The following UMAD1 variants were observed in gnomAD, a reference collection of about 807,000 sequenced individuals.
The protein encoded by UMAD1 is UBAP1-MVB12-associated (UMA)-domain containing protein 1.
A neutral mutation model predicts 6.1 loss-of-function variants in UMAD1; 8 were observed. The observed-to-expected ratio is 1.30, with a 90% confidence interval of 0.76 to 2.35. The LOEUF (loss-of-function observed/expected upper bound fraction) is 2.35. Ranked by LOEUF, UMAD1 falls within the 30% of genes most tolerant of loss-of-function variation. UMAD1 has a pLI of 0.00. For missense variants in UMAD1, 130 were observed against 78.4 expected (o/e 1.66, Z -2.49); for synonymous variants, 56 against 31.4 (o/e 1.78, Z -2.61).
intron 3 of UMAD1, among the ~76,000 whole-genome samples, chr7:7,839,693 T>G (rs1425570121): frequency 6.6e-6 from 1 of 152,206 alleles, no homozygotes; most frequent in African/African-American, 2.4e-5. Context: ...AACAAAGTTC[T>G]TAAGAAGCAA....
intron 2 of UMAD1, chr7:7,687,228 C>G (rs554784700): frequency 6.6e-6 from 1 of 152,150 alleles, no homozygotes; most frequent in Admixed American, 6.5e-5. Context: ...GGCTACTTAC[C>G]ATTTCAGCCT....
At chr7:7,783,243 A>T (rs1036549197) in intron 2 of UMAD1, among the ~76,000 whole-genome samples, 1 of 152,226 alleles carries the variant, frequency 6.6e-6, no homozygotes, top group African/African-American at 2.4e-5. Flanking sequence ...GATAGTTGTA[A>T]CTTCCTCAGA....
At chr7:7,821,912 C>T (rs1480243902) in intron 3 of UMAD1, among the ~76,000 whole-genome samples, 2 of 152,098 alleles carry the variant, frequency 1.3e-5, no homozygotes, top group East Asian at 3.8e-4. Context: ...TCATAAATTA[C>T]CATGGCTGAC....
intron 2 of UMAD1, chr7:7,676,090 C>T (rs1779730828): frequency 2.5e-6 from 1 of 398,560 alleles, no homozygotes; most frequent in African/African-American, 2.1e-5. Context: ...TCCCCTCTTC[C>T]TTCTTCCGCA....
chr7:7,700,052 T>C (rs1382253188), intron 2 of UMAD1, among the ~76,000 whole-genome samples: 3 of 152,238 alleles, frequency 2.0e-5, no homozygotes, highest in African/African-American at 7.2e-5. Flanking sequence ...ACTACTTCTG[T>C]GGAGGGTGTC....
chr7:7,783,106 G>C (rs1328633160), intron 2 of UMAD1, among the ~76,000 whole-genome samples: 3 of 152,152 alleles, frequency 2.0e-5, no homozygotes, highest in Admixed American at 6.5e-5. Flanking sequence ...GTCTTCTTTT[G>C]AGATGGTGGT....
chr7:7,753,048 T>A (rs960445178), intron 2 of UMAD1, among the ~76,000 whole-genome samples: 4 of 152,180 alleles, frequency 2.6e-5, no homozygotes, highest in Non-Finnish European at 5.9e-5. Flanking sequence ...AGACCCCTCC[T>A]CCACTCTCAT....
intron 2 of UMAD1, among the ~76,000 whole-genome samples, chr7:7,796,814 A>C (rs1782693972): frequency 6.6e-6 from 1 of 152,030 alleles, no homozygotes; most frequent in Non-Finnish European, 1.5e-5. Context: ...ACTTCACCCC[A>C]CAATTTTCAA....
chr7:7,858,683 C>T (rs17561662), intron 3 of UMAD1, among the ~76,000 whole-genome samples: 33,538 of 152,120 alleles, frequency 0.22, 4,516 homozygotes, highest in Middle Eastern at 0.31. Flanking sequence ...TCAGAAAAAC[C>T]AGCCTGACCC....
At chr7:7,707,088 T>C (rs1780621289) in intron 2 of UMAD1, among the ~76,000 whole-genome samples, 1 of 152,170 alleles carries the variant, frequency 6.6e-6, no homozygotes, top group Admixed American at 6.5e-5. Flanking sequence ...TGATTATAAA[T>C]ATATAACTAT....
intron 2 of UMAD1, among the ~76,000 whole-genome samples, chr7:7,758,823 C>T (rs925183030): frequency 9.2e-5 from 14 of 152,088 alleles, no homozygotes; most frequent in Admixed American, 4.6e-4. Context: ...ATCCTTTCTC[C>T]GAGTGGTGGG....
intron 2 of UMAD1, among the ~76,000 whole-genome samples, chr7:7,739,880 A>G (rs1486343279): frequency 3.9e-5 from 6 of 152,256 alleles, no homozygotes; most frequent in Admixed American, 2.6e-4. Context: ...TTATTTGTCT[A>G]TACAAAGGAG....
At chr7:7,747,201 G>A (rs1174931243) in intron 2 of UMAD1, among the ~76,000 whole-genome samples, 1 of 152,174 alleles carries the variant, frequency 6.6e-6, no homozygotes, top group Non-Finnish European at 1.5e-5. Context: ...TTGTTTTGGA[G>A]TTGCTACAGG....
chr7:7,653,022 A>T (rs1352096434), intron 1 of UMAD1, among the ~76,000 whole-genome samples: 1 of 152,250 alleles, frequency 6.6e-6, no homozygotes, highest in East Asian at 1.9e-4. Context: ...AGTTGTAAAG[A>T]GGTGTGACCT....
chr7:7,866,934 T>G (rs1170966326), intron 3 of UMAD1, among the ~76,000 whole-genome samples: 1 of 152,096 alleles, frequency 6.6e-6, no homozygotes, highest in Non-Finnish European at 1.5e-5. Context: ...GAGAATGACA[T>G]GAACCTGAAG....
At chr7:7,864,314 G>A (rs997448742) in intron 3 of UMAD1, among the ~76,000 whole-genome samples, 2 of 152,046 alleles carry the variant, frequency 1.3e-5, no homozygotes, top group Non-Finnish European at 2.9e-5. Context: ...TGAAATAAAT[G>A]TGAGCTCTAC....
At chr7:7,798,475 A>C (rs941829090) in intron 2 of UMAD1, among the ~76,000 whole-genome samples, 7 of 152,364 alleles carry the variant, frequency 4.6e-5, no homozygotes, top group Non-Finnish European at 7.3e-5. Flanking sequence ...AAGGAGCAGA[A>C]GGAAGAATAA....
chr7:7,854,931 G>A (rs1032288763), intron 3 of UMAD1, among the ~76,000 whole-genome samples: 1 of 152,218 alleles, frequency 6.6e-6, no homozygotes, highest in Admixed American at 6.5e-5. Flanking sequence ...CCACATGGGA[G>A]AAATGGGCCA....
chr7:7,688,672 C>T (rs370733860), intron 2 of UMAD1, among the ~76,000 whole-genome samples: 2 of 152,092 alleles, frequency 1.3e-5, no homozygotes, highest in African/African-American at 4.8e-5. Flanking sequence ...TTTGTAGCAG[C>T]TCCTATATTA....
Sources: allele counts gnomAD v4.1 joint callset (sites outside exome capture counted in the v4.1 genomes callset), GRCh38; gene constraint gnomAD v4.1.1; transcripts MANE v1.5; gene names NCBI Gene and HGNC (gene_info 2026-07-23, HGNC 2026-07-21).